PCDH9: variants seen among roughly 807,000 people sequenced by gnomAD.
PCDH9 encodes the protein protocadherin 9.
Under a neutral mutation model 70.6 loss-of-function variants are expected in PCDH9, and 24 were observed. That is an observed-to-expected ratio of 0.34 (90% CI 0.25 to 0.48). The LOEUF (loss-of-function observed/expected upper bound fraction) is 0.48, where lower values mean the gene tolerates loss of function less well. PCDH9 is among the 20% of genes least tolerant of loss of function. The pLI, the probability that PCDH9 is intolerant of heterozygous loss-of-function variation, is 0.99. For synonymous variants in PCDH9, 562 were observed against 558.5 expected (o/e 1.01, Z -0.09); for missense variants, 1,281 against 1,503.6 (o/e 0.85, Z 2.45).
At chr13:66,466,585 G>C (rs1029186744) in intron 4 of PCDH9, among the ~76,000 whole-genome samples, 1 of 151,950 alleles carries the variant, frequency 6.6e-6, no homozygotes, top group Non-Finnish European at 1.5e-5. Context: ...GCTTTGTCTT[G>C]GTTCAGGGCC....
chr13:66,702,732 G>A (rs1415338545), intron 3 of PCDH9, among the ~76,000 whole-genome samples: 5 of 152,122 alleles, frequency 3.3e-5, no homozygotes, highest in Non-Finnish European at 7.4e-5. Context: ...TCAAGTATAT[G>A]TCACTAAAGC....
rs192678764 is a variant in PCDH9 at position 66,844,667 on chromosome 13, T to A, written c.3138+58837A>T. Among the ~76,000 whole-genome samples, 1,057 of 152,164 alleles carry A rather than the reference T, an allele frequency of 6.9e-3. 13 individuals are homozygous for A. The highest frequency in any genetic ancestry group is 7.7e-3 in the Non-Finnish European group (522 of 67,992). On this transcript the variant is annotated intron_variant, in intron 3 of 4. Coordinates refer to ENST00000377865, the MANE Select transcript of PCDH9 (RefSeq NM_203487.3). ...GTATCCAGCCTGTAAGAATTCTTTG[T>A]AAAGTGGAGAATGTCTAAAACTTAT... is the stretch of plus-strand genomic sequence containing the variant.
chr13:66,351,847 C>CTTT, intron 4 of PCDH9, among the ~76,000 whole-genome samples: 1 of 148,288 alleles, frequency 6.7e-6, no homozygotes, highest in East Asian at 2.0e-4. Flanking sequence ...CTTTTCTTTT[C>CTTT]TTTTTTTTTA....
chr13:67,083,561 G>A (rs551246101), intron 2 of PCDH9, among the ~76,000 whole-genome samples: 1 of 152,196 alleles, frequency 6.6e-6, no homozygotes, highest in East Asian at 1.9e-4. Flanking sequence ...CATGAGCCAA[G>A]TATTTCCTTT....
chr13:66,554,581 C>G lies in PCDH9; in HGVS notation c.3340+76629G>C, dbSNP rs117380108. Among the ~76,000 whole-genome samples, 264 of 152,030 alleles carry G rather than the reference C, an allele frequency of 1.7e-3. 2 individuals are homozygous for G. Among genetic ancestry groups the G allele is most frequent in the East Asian group, 0.012 (61 of 5,174 alleles). On this transcript the variant is annotated intron_variant, in intron 4 of 4. Coordinates refer to ENST00000377865, the MANE Select transcript of PCDH9 (RefSeq NM_203487.3). Reference sequence around the variant, plus strand: ...TATGTAGTTTATACTTTTAAAACCTCAAAAAATCAGGGCACAAGTGCTGTT... The same window carrying G: ...TATGTAGTTTATACTTTTAAAACCTGAAAAAATCAGGGCACAAGTGCTGTT...
chr13:66,975,601 G>A (rs548146140), intron 2 of PCDH9, among the ~76,000 whole-genome samples: 1 of 152,054 alleles, frequency 6.6e-6, no homozygotes, highest in Admixed American at 6.6e-5. Flanking sequence ...TTAGAGCAAA[G>A]AGAAAGAGAG....
intron 4 of PCDH9, among the ~76,000 whole-genome samples, chr13:66,451,704 A>C (rs1958214537): frequency 6.6e-6 from 1 of 152,212 alleles, no homozygotes; most frequent in Non-Finnish European, 1.5e-5. Context: ...AACACGCAGG[A>C]CTAAAAATCA....
intron 2 of PCDH9, among the ~76,000 whole-genome samples, chr13:67,037,762 T>C (rs565297400): frequency 1.5e-4 from 23 of 152,278 alleles, no homozygotes; most frequent in African/African-American, 5.5e-4. Context: ...GAATGAAAGA[T>C]GGAAACTCGG....
chr13:66,672,093 G>C (rs1208988919), intron 3 of PCDH9, among the ~76,000 whole-genome samples: 4 of 152,124 alleles, frequency 2.6e-5, no homozygotes, highest in Non-Finnish European at 4.4e-5. Context: ...GCAGTCTTGG[G>C]ACTTGGTGCC....
chr13:67,119,067 A>G (rs2086831059), intron 2 of PCDH9, among the ~76,000 whole-genome samples: 1 of 152,172 alleles, frequency 6.6e-6, no homozygotes, highest in Admixed American at 6.5e-5. Context: ...TATATCAAAT[A>G]AGAATCAGAA....
intron 2 of PCDH9, among the ~76,000 whole-genome samples, chr13:66,968,670 C>T (rs1001812080): frequency 1.3e-5 from 2 of 152,066 alleles, no homozygotes; most frequent in East Asian, 1.9e-4. Context: ...ATATGATAAG[C>T]ATAACCTATC....
At chr13:66,489,966 A>G (rs1959006260) in intron 4 of PCDH9, among the ~76,000 whole-genome samples, 1 of 152,146 alleles carries the variant, frequency 6.6e-6, no homozygotes, top group African/African-American at 2.4e-5. Flanking sequence ...CAGAAACACA[A>G]GCAGTAGGTA....
intron 2 of PCDH9, among the ~76,000 whole-genome samples, chr13:67,087,087 TA>T (rs36017495): frequency 0.25 from 31,334 of 123,708 alleles, 3,905 homozygotes; most frequent in East Asian, 0.6. Context: ...TGATGTTTTG[TA>T]AAAAAAAAAA....
chr13:66,415,566 C>T (rs1421701849), intron 4 of PCDH9, among the ~76,000 whole-genome samples: 1 of 152,168 alleles, frequency 6.6e-6, no homozygotes, highest in African/African-American at 2.4e-5. Context: ...CAATGTTCTA[C>T]CCTTTGCTAA....
At chr13:67,059,884 TG>T (rs1217044448) in intron 2 of PCDH9, among the ~76,000 whole-genome samples, 2 of 6,470 alleles carry the variant, frequency 3.1e-4, no homozygotes, top group Admixed American at 2.9e-3. Context: ...TGTTTTTTGT[TG>T]TTTTTTTTTT....
chr13:67,058,844 T>C (rs117849833), intron 2 of PCDH9, among the ~76,000 whole-genome samples: 2,528 of 152,244 alleles, frequency 0.017, 38 homozygotes, highest in Non-Finnish European at 0.025. Flanking sequence ...TGCAAATATA[T>C]GCTTTCTAAT....
At chr13:66,578,255 G>C (rs1463608807) in intron 4 of PCDH9, among the ~76,000 whole-genome samples, 1 of 152,068 alleles carries the variant, frequency 6.6e-6, no homozygotes, top group Non-Finnish European at 1.5e-5. Flanking sequence ...CTTCCTATTT[G>C]AATGTGATAT....
At chr13:67,086,582 A>C (rs1027774956) in intron 2 of PCDH9, among the ~76,000 whole-genome samples, 3 of 152,202 alleles carry the variant, frequency 2.0e-5, no homozygotes, top group African/African-American at 7.2e-5. Flanking sequence ...CATCAGAAGT[A>C]AAATTTGGAT....
intron 3 of PCDH9, among the ~76,000 whole-genome samples, chr13:66,717,467 AAAAAAAAAAAAAAATATATATAT>A (rs2078880877): frequency 2.7e-5 from 1 of 36,626 alleles, no homozygotes; most frequent in Non-Finnish European, 5.8e-5. Context: ...AAAAAAAAAA[AAAAAAAAAAAAAAATATATATAT>A]ATATATATAT....
Sources: allele counts gnomAD v4.1 joint callset (sites outside exome capture counted in the v4.1 genomes callset), GRCh38; gene constraint gnomAD v4.1.1; transcripts MANE v1.5; gene names NCBI Gene and HGNC (gene_info 2026-07-23, HGNC 2026-07-21).